The following TENM4 variants were observed in gnomAD, a reference collection of about 807,000 sequenced individuals.
TENM4 encodes the protein teneurin transmembrane protein 4, also known as teneurin-4.
Under a neutral mutation model 243.3 loss-of-function variants are expected in TENM4, and 82 were observed. That is an observed-to-expected ratio of 0.34 (90% CI 0.28 to 0.40). The LOEUF (loss-of-function observed/expected upper bound fraction) is 0.40, where lower values mean the gene tolerates loss of function less well. TENM4 is among the 10% of genes least tolerant of loss of function. The probability of loss-of-function intolerance (pLI) is 1.00; values close to 1 mark genes in which losing one functional copy is unlikely to be tolerated. For missense variants in TENM4, 3,138 were observed against 3,673.3 expected, an observed-to-expected ratio of 0.85 and a Z score of 3.77; for synonymous variants, 1,412 against 1,456.3, an observed-to-expected ratio of 0.97 and a Z score of 0.69.
At chr11:79,280,819 G>C (rs1311612661) in intron 2 of TENM4, among the ~76,000 whole-genome samples, 2 of 152,232 alleles carry the variant, frequency 1.3e-5, no homozygotes, top group Non-Finnish European at 2.9e-5. Flanking sequence ...GCCAGGCTGG[G>C]TTAGTGGGAG....
chr11:79,125,339 T>TGGCTTCAGAA (rs1247316922), intron 4 of TENM4, among the ~76,000 whole-genome samples: 2 of 152,172 alleles, frequency 1.3e-5, no homozygotes, highest in South Asian at 2.1e-4. Flanking sequence ...TTCCATCTCC[T>TGGCTTCAGAA]GGCTTCAGAA....
chr11:79,105,038 G>T (rs1023546696), intron 4 of TENM4, among the ~76,000 whole-genome samples: 21 of 152,116 alleles, frequency 1.4e-4, no homozygotes, highest in African/African-American at 5.1e-4. Flanking sequence ...TCATGCATGT[G>T]CCAGAAAGAT....
At chr11:79,000,269 A>G (rs1858282018) in intron 6 of TENM4, among the ~76,000 whole-genome samples, 1 of 152,244 alleles carries the variant, frequency 6.6e-6, no homozygotes, top group Non-Finnish European at 1.5e-5. Context: ...CTGAAAGGGA[A>G]TAATATTGAG....
chr11:78,733,014 CTT>C (rs1234782242), intron 20 of TENM4, among the ~76,000 whole-genome samples: 2 of 152,196 alleles, frequency 1.3e-5, no homozygotes, highest in Non-Finnish European at 2.9e-5. Context: ...GGGTAAGTCA[CTT>C]AGCCTCTTTG....
At chr11:79,285,726 C>T (rs532817545) in intron 2 of TENM4, among the ~76,000 whole-genome samples, 1 of 150,992 alleles carries the variant, frequency 6.6e-6, no homozygotes, top group South Asian at 2.1e-4. Context: ...ATGGATAAAC[C>T]TTGAAGACAT....
At chr11:78,851,644 C>G (rs1015795212) in intron 12 of TENM4, among the ~76,000 whole-genome samples, 4 of 152,186 alleles carry the variant, frequency 2.6e-5, no homozygotes, top group African/African-American at 9.6e-5. Flanking sequence ...GACCATGAAG[C>G]TGTAACTCAA....
chr11:79,431,636 AGC>A (rs1243075713), intron 1 of TENM4, among the ~76,000 whole-genome samples: 1 of 152,220 alleles, frequency 6.6e-6, no homozygotes, highest in Non-Finnish European at 1.5e-5. Flanking sequence ...AAATAATCTC[AGC>A]TAGTAAGACA....
intron 1 of TENM4, among the ~76,000 whole-genome samples, chr11:79,364,798 T>C (rs1273056454): frequency 1.3e-5 from 2 of 152,220 alleles, no homozygotes; most frequent in Non-Finnish European, 2.9e-5. Context: ...TGGTCCTGTC[T>C]ACTGTACTAA....
intron 6 of TENM4, among the ~76,000 whole-genome samples, chr11:78,933,585 A>G (rs1399289171): frequency 4.6e-5 from 7 of 152,198 alleles, no homozygotes; most frequent in Non-Finnish European, 7.3e-5. Context: ...TTAAATGCCA[A>G]TGAGATTCTG....
At chr11:79,232,305 C>T (rs1364335116) in intron 2 of TENM4, among the ~76,000 whole-genome samples, 5 of 152,096 alleles carry the variant, frequency 3.3e-5, no homozygotes, top group East Asian at 1.9e-4. Flanking sequence ...GCTAGCAGGA[C>T]GCATGAAGAA....
intron 17 of TENM4, among the ~76,000 whole-genome samples, chr11:78,773,238 G>T (rs139823275): frequency 7.9e-4 from 121 of 152,284 alleles, no homozygotes; most frequent in African/African-American, 2.7e-3. Flanking sequence ...GATGCAAACA[G>T]TATCTCTTAC....
At chr11:79,141,169 T>C (rs1862278225) in intron 4 of TENM4, among the ~76,000 whole-genome samples, 1 of 152,082 alleles carries the variant, frequency 6.6e-6, no homozygotes, top group Admixed American at 6.6e-5. Context: ...TCTCTGGGCC[T>C]CAGATTCCTC....
intron 2 of TENM4, among the ~76,000 whole-genome samples, chr11:79,295,896 A>ACACAC (rs368292907): frequency 1.5e-5 from 2 of 130,912 alleles, no homozygotes; most frequent in Non-Finnish European, 3.2e-5. Context: ...CCAGGGATTA[A>ACACAC]ACACACACAC....
rs187140325 is a variant in TENM4, at chr11:79,266,003, A to T, written c.-265+31485T>A. Among the ~76,000 whole-genome samples, 284 of 152,272 alleles carry T rather than the reference A, an allele frequency of 1.9e-3. 3 individuals are homozygous for T. The highest frequency in any genetic ancestry group is 6.4e-3 in the African/African-American group (264 of 41,558). On this transcript the variant is annotated intron_variant, in intron 2 of 33. Transcript: ENST00000278550. Reference sequence around the variant, plus strand: ...AGATTAAATGCTACCTCCTTCTGGGAAGCCCTATCTGATTTCCCAGGTGGA... The same window carrying T: ...AGATTAAATGCTACCTCCTTCTGGGTAGCCCTATCTGATTTCCCAGGTGGA...
intron 4 of TENM4, among the ~76,000 whole-genome samples, chr11:79,090,418 TGCA>T (rs2137050755): frequency 6.6e-6 from 1 of 152,374 alleles, no homozygotes; most frequent in African/African-American, 2.4e-5. Context: ...CAGACACCCG[TGCA>T]GAAGAAAGGC....
At chr11:79,026,575 A>C (rs1403244949) in intron 6 of TENM4, among the ~76,000 whole-genome samples, 3 of 152,214 alleles carry the variant, frequency 2.0e-5, no homozygotes, top group African/African-American at 7.2e-5. Flanking sequence ...CAGTGGTGTT[A>C]GAAGTAGTAC....
intron 1 of TENM4, among the ~76,000 whole-genome samples, chr11:79,419,106 G>GGGCAGCTGA (rs1858878269): frequency 1.3e-5 from 2 of 152,194 alleles, no homozygotes; most frequent in African/African-American, 4.8e-5. Flanking sequence ...AAGCCCACGA[G>GGGCAGCTGA]GGCAGCTGAG....
chr11:79,326,200 A>C (rs898581564), intron 1 of TENM4, among the ~76,000 whole-genome samples: 1 of 152,214 alleles, frequency 6.6e-6, no homozygotes, highest in Non-Finnish European at 1.5e-5. Flanking sequence ...CGGCCTGCAG[A>C]ATGAAGTACA....
intron 32 of TENM4, among the ~76,000 whole-genome samples, chr11:78,667,921 G>A (rs1858197492): frequency 6.6e-6 from 1 of 152,218 alleles, no homozygotes; most frequent in Non-Finnish European, 1.5e-5. Context: ...GGGGTTGAGG[G>A]CCTCTGTGGC....
Sources: gnomAD v4.1 joint callset for allele counts (sites outside exome capture counted in the v4.1 genomes callset) on GRCh38, gnomAD v4.1.1 for gene constraint, MANE v1.5 for transcripts, NCBI Gene and HGNC (gene_info 2026-07-23, HGNC 2026-07-21) for gene names.